Variants in APPBP2 observed in about 807,000 individuals in gnomAD.
The protein encoded by APPBP2 is amyloid beta precursor protein binding protein 2.
Under a neutral mutation model 76.0 loss-of-function variants are expected in APPBP2, and 15 were observed. The ratio of observed to expected loss-of-function variants is 0.20; its 90% CI spans 0.13 to 0.30. The LOEUF (loss-of-function observed/expected upper bound fraction) is 0.30, where lower values mean the gene tolerates loss of function less well. Among genes scored for constraint, APPBP2 ranks in the 10% least tolerant of loss-of-function variants. The probability of loss-of-function intolerance (pLI) is 1.00; values close to 1 mark genes in which losing one functional copy is unlikely to be tolerated. For missense variants in APPBP2, 401 were observed against 687.2 expected, an observed-to-expected ratio of 0.58 and a Z score of 4.66; for synonymous variants, 222 against 242.2, an observed-to-expected ratio of 0.92 and a Z score of 0.77.
At chr17:60,459,289 C>T (rs752802407) in intron 9 of APPBP2, among the ~76,000 whole-genome samples, 1 of 152,092 alleles carries the variant, frequency 6.6e-6, no homozygotes, top group Non-Finnish European at 1.5e-5. Context: ...AACCAGCACC[C>T]CCAAAGTGCT....
At chr17:60,522,231 C>T (rs2091014811) in intron 1 of APPBP2, among the ~76,000 whole-genome samples, 1 of 152,174 alleles carries the variant, frequency 6.6e-6, no homozygotes, top group Non-Finnish European at 1.5e-5. Flanking sequence ...TTTAGACTTC[C>T]TGTATAAAAG....
chr17:60,491,923 G>A (rs914962358), intron 3 of APPBP2, among the ~76,000 whole-genome samples: 1 of 152,168 alleles, frequency 6.6e-6, no homozygotes, highest in Non-Finnish European at 1.5e-5. Flanking sequence ...ATGTCTCCAG[G>A]ACATTTCAGA....
intron 10 of APPBP2, 140 bp downstream of exon 10, chr17:60,456,156 A>T (rs1235852537): frequency 9.9e-6 from 6 of 605,226 alleles, no homozygotes; most frequent in Non-Finnish European, 1.7e-5. Context: ...GTTGTGGTAA[A>T]ATGGCTATCT....
intron 1 of APPBP2, among the ~76,000 whole-genome samples, chr17:60,524,257 A>G (rs1411367472): frequency 2.0e-5 from 3 of 152,224 alleles, no homozygotes; most frequent in African/African-American, 7.2e-5. Context: ...ATTCCCAATG[A>G]TTTCCTCTGA....
intron 3 of APPBP2, among the ~76,000 whole-genome samples, chr17:60,485,932 AT>A (rs1174931484): frequency 6.6e-6 from 1 of 152,038 alleles, no homozygotes; most frequent in Non-Finnish European, 1.5e-5. Context: ...AGACATCTTT[AT>A]TTCTGCCTTC....
chr17:60,515,823 T>C (rs922165571), intron 1 of APPBP2, among the ~76,000 whole-genome samples: 1 of 152,172 alleles, frequency 6.6e-6, no homozygotes, highest in African/African-American at 2.4e-5. Context: ...GAAGCTGTGT[T>C]TTCAGTGGTT....
At chr17:60,514,335 G>A in intron 1 of APPBP2, among the ~76,000 whole-genome samples, 1 of 152,026 alleles carries the variant, frequency 6.6e-6, no homozygotes, top group East Asian at 1.9e-4. Context: ...GCTAGGCAAG[G>A]TGGCTCATAC....
At chr17:60,450,164 G>C (rs1026531778) in intron 12 of APPBP2, among the ~76,000 whole-genome samples, 1 of 151,752 alleles carries the variant, frequency 6.6e-6, no homozygotes, top group Non-Finnish European at 1.5e-5. Context: ...GGCTGGACGC[G>C]GTGGCTCATG....
chr17:60,476,090 T>C (rs2143369950), intron 4 of APPBP2, among the ~76,000 whole-genome samples: 1 of 152,310 alleles, frequency 6.6e-6, no homozygotes, highest in African/African-American at 2.4e-5. Context: ...TGGATGTGTT[T>C]GGCCAGACAT....
chr17:60,511,241 G>A (rs1341946792), intron 1 of APPBP2, among the ~76,000 whole-genome samples: 1 of 152,148 alleles, frequency 6.6e-6, no homozygotes, highest in Non-Finnish European at 1.5e-5. Flanking sequence ...AATATGTGGT[G>A]AAAATCGGAA....
At chr17:60,518,216 T>C (rs1300572972) in intron 1 of APPBP2, among the ~76,000 whole-genome samples, 2 of 152,026 alleles carry the variant, frequency 1.3e-5, no homozygotes, top group African/African-American at 4.8e-5. Flanking sequence ...AGCTTATTTT[T>C]TATTGTTTTT....
At chr17:60,510,220 T>C (rs759984253) in intron 1 of APPBP2, among the ~76,000 whole-genome samples, 5 of 151,804 alleles carry the variant, frequency 3.3e-5, no homozygotes, top group Non-Finnish European at 5.9e-5. Flanking sequence ...CGGGGCAATG[T>C]AGCAAGACCC....
At chr17:60,513,844 T>C (rs1309053186) in intron 1 of APPBP2, among the ~76,000 whole-genome samples, 1 of 145,302 alleles carries the variant, frequency 6.9e-6, no homozygotes, top group African/African-American at 2.7e-5. Flanking sequence ...AGAGTGAAAC[T>C]CCATCTCAGA....
At chr17:60,509,225 C>A (rs947418118) in intron 1 of APPBP2, among the ~76,000 whole-genome samples, 2 of 151,708 alleles carry the variant, frequency 1.3e-5, no homozygotes, top group South Asian at 4.2e-4. Context: ...AATAAAAATA[C>A]AAAAATTGGC....
chr17:60,449,818 G>C (rs1181095723), intron 12 of APPBP2, among the ~76,000 whole-genome samples: 1 of 151,274 alleles, frequency 6.6e-6, no homozygotes, highest in African/African-American at 2.4e-5. Context: ...TTTTTTTGGA[G>C]ACGTAGTCTT....
At position 60,444,588 on chromosome 17, in the gene APPBP2, A is replaced by G. The variant is rs2090330757; in HGVS notation, c.*2993T>C. ...AATACCTGGGCAGGGGTTACTACAA[A>G]GCAATAGTGAGCCAATTTTTAACCA... is the stretch of plus-strand genomic sequence containing the variant. On this transcript the variant is annotated 3_prime_UTR_variant, in exon 13 of 13. Transcript: ENST00000083182. 6.6e-6 allele frequency: 1 copy of G among 152,058 alleles called. No homozygotes were observed. The highest frequency in any genetic ancestry group is 1.5e-5 in the Non-Finnish European group (1 of 68,032). 9.4% of individuals were successfully genotyped at this position (152,058 alleles called of 1,614,324 possible). A position where few individuals can be genotyped will look rare whatever the true frequency, so the allele number is the denominator to read the frequency against.
At chr17:60,497,465 A>C (rs1267706564) in intron 2 of APPBP2, among the ~76,000 whole-genome samples, 1 of 152,206 alleles carries the variant, frequency 6.6e-6, no homozygotes, top group African/African-American at 2.4e-5. Flanking sequence ...AAAATAATTT[A>C]GTTCTACATT....
rs540104416 is a variant in APPBP2, at chr17:60,513,827, G to A, written c.138+11967C>T. Among the ~76,000 whole-genome samples, 308 of 151,104 alleles carry A rather than the reference G, an allele frequency of 2.0e-3. 1 individual carries two copies. Among genetic ancestry groups the A allele is most frequent in the African/African-American group, 6.9e-3 (283 of 41,014 alleles). On this transcript the variant is annotated intron_variant, in intron 1 of 12. Transcript: ENST00000083182. ...GCAGATGCCACTGCAATCCAGCTTC[G>A]GCAAGAAGAGTGAAACTCCATCTCA...
At chr17:60,471,955 G>C (rs1407709144) in intron 4 of APPBP2, among the ~76,000 whole-genome samples, 1 of 152,130 alleles carries the variant, frequency 6.6e-6, no homozygotes, top group Non-Finnish European at 1.5e-5. Flanking sequence ...GCAAAACCTC[G>C]TCTCTACTAA....
Sources: allele counts gnomAD v4.1 joint callset (sites outside exome capture counted in the v4.1 genomes callset), GRCh38; gene constraint gnomAD v4.1.1; transcripts MANE v1.5; gene names NCBI Gene and HGNC (gene_info 2026-07-23, HGNC 2026-07-21).